The following DLEC1 variants were observed in gnomAD, a reference collection of about 807,000 sequenced individuals.
DLEC1 encodes deleted in lung and esophageal cancer protein 1.
Under a neutral mutation model 198.1 loss-of-function variants are expected in DLEC1, and 146 were observed. That is an observed-to-expected ratio of 0.74 (90% CI 0.64 to 0.85). DLEC1 has a LOEUF of 0.85. Ranked by LOEUF, DLEC1 falls within the 40% of genes least tolerant of loss-of-function variation. DLEC1 has a pLI of 0.00. For missense variants in DLEC1, 2,233 were observed against 2,220.0 expected (o/e 1.01, Z -0.12); for synonymous variants, 897 against 866.8 (o/e 1.03, Z -0.61).
intron 10 of DLEC1, among the ~76,000 whole-genome samples, chr3:38,089,676 G>T (rs1226838696): frequency 3.3e-5 from 5 of 152,122 alleles, no homozygotes; most frequent in South Asian, 2.1e-4. Context: ...GAGCTGCTCT[G>T]CCCTGGACAT....
At chr3:38,109,289 T>C (rs1267347965) in intron 21 of DLEC1, 143 bp from the exon 22 acceptor site, 4 of 1,229,048 alleles carry the variant, frequency 3.3e-6, no homozygotes, top group Non-Finnish European at 3.4e-6. Flanking sequence ...GCGGGTCGAC[T>C]GGCTGGGCTC....
At chr3:38,049,392 CAT>C (rs1159875134) in intron 2 of DLEC1, among the ~76,000 whole-genome samples, 1 of 152,176 alleles carries the variant, frequency 6.6e-6, no homozygotes, top group Non-Finnish European at 1.5e-5. Context: ...TTATTTGAGG[CAT>C]AGAGGCAACC....
intron 6 of DLEC1, among the ~76,000 whole-genome samples, chr3:38,080,430 G>A (rs1453930550): frequency 6.6e-6 from 1 of 152,060 alleles, no homozygotes; most frequent in Non-Finnish European, 1.5e-5. Context: ...AGGAAGATTT[G>A]GGACGAGTTG....
At chr3:38,070,824 G>GCA (rs1697277028) in intron 6 of DLEC1, among the ~76,000 whole-genome samples, 1 of 152,186 alleles carries the variant, frequency 6.6e-6, no homozygotes, top group Non-Finnish European at 1.5e-5. Context: ...TTAAGGCGGG[G>GCA]CAGGGCATTT....
intron 1 of DLEC1, among the ~76,000 whole-genome samples, 194 bp from the exon 2 acceptor site, chr3:38,045,349 A>G (rs1037682566): frequency 6.6e-6 from 1 of 152,110 alleles, no homozygotes; most frequent in Non-Finnish European, 1.5e-5. Context: ...TGGCCTTACT[A>G]TGGAAACCTT....
At position 38,084,214 on chromosome 3, in the gene DLEC1, G is replaced by T; in HGVS notation, c.1230G>T (p.Pro410=). The part of the protein sequence containing the change: ...TTTSRYLRVL[P]PSTPYFALGL... ...CCAGCCGCTACCTGCGAGTCCTCCCGCCTTCCACGCCATACTTCGCTCTGG... is the reference window on the plus strand; with the variant it reads ...CCAGCCGCTACCTGCGAGTCCTCCCTCCTTCCACGCCATACTTCGCTCTGG... The change falls in exon 7 of 37, where the codon CCG becomes CCT. Residue 410 remains proline (P), a synonymous_variant. Transcript: ENST00000308059. The T allele has an allele frequency of 6.2e-7, 1 of 1,612,626 alleles. No homozygotes were observed. Among genetic ancestry groups the T allele is most frequent in the Non-Finnish European group, 8.5e-7 (1 of 1,179,216 alleles).
Position 38,062,756 on chromosome 3 carries a change from A to C in DLEC1, c.1049A>C (p.Lys350Thr), listed in dbSNP as rs961403074. ...GGKSLVFPPK[K>T]PAPIGEFQST... ...AAGTCTCTTGTTTTTCCTCCAAAGAAGCCAGCACCGATAGGAGAATTCCAG... is the reference window on the plus strand; with the variant it reads ...AAGTCTCTTGTTTTTCCTCCAAAGACGCCAGCACCGATAGGAGAATTCCAG... The change falls in exon 5 of 37, where the codon AAG (lysine) becomes ACG (threonine). Residue 350 changes from lysine to threonine, a missense_variant. By Grantham distance (78) the Lys-to-Thr change is moderately conservative. Coordinates refer to ENST00000308059, the MANE Select transcript of DLEC1 (RefSeq NM_007335.4). The C allele has an allele frequency of 1.5e-5, 25 of 1,613,978 alleles. No homozygotes were observed. In the African/African-American group the frequency reaches 2.7e-4, roughly 17 times the overall value.
chr3:38,101,736 C>T (rs1267862450), intron 19 of DLEC1, among the ~76,000 whole-genome samples: 1 of 152,180 alleles, frequency 6.6e-6, no homozygotes, highest in East Asian at 1.9e-4. Flanking sequence ...GACCATCTGA[C>T]AGTTGTTCAA....
intron 6 of DLEC1, among the ~76,000 whole-genome samples, chr3:38,064,579 G>A (rs975565882): frequency 2.0e-5 from 3 of 150,258 alleles, no homozygotes; most frequent in Admixed American, 6.6e-5. Context: ...CTTCCCGGAC[G>A]GGGCGGCCGG....
At chr3:38,111,532 T>C (rs1382514477) in intron 23 of DLEC1, 145 bp from the exon 24 acceptor site, 3 of 695,574 alleles carry the variant, frequency 4.3e-6, no homozygotes, top group African/African-American at 3.7e-5. Flanking sequence ...AGGAAAGAAC[T>C]GACCAGCTCT....
At chr3:38,067,483 T>C (rs1697087020) in intron 6 of DLEC1, among the ~76,000 whole-genome samples, 1 of 152,246 alleles carries the variant, frequency 6.6e-6, no homozygotes, top group South Asian at 2.1e-4. Flanking sequence ...TTTATCATGC[T>C]TACAAATTCT....
chr3:38,121,519 C>T, intron 34 of DLEC1, 109 bp from the exon 35 acceptor site: 1 of 1,415,738 alleles, frequency 7.1e-7, no homozygotes, highest in Non-Finnish European at 9.4e-7. Flanking sequence ...TGGGAGCTTC[C>T]CGTTTTCTTC....
intron 14 of DLEC1, 111 bp from the exon 15 acceptor site, chr3:38,096,458 G>A: frequency 7.6e-7 from 1 of 1,310,938 alleles, no homozygotes; most frequent in South Asian, 1.4e-5. Flanking sequence ...GGAGCTGTGG[G>A]TTAGGCAGTG....
chr3:38,085,213 G>A (rs1014570439), intron 7 of DLEC1, 61 bp from the exon 8 acceptor site: 1 of 1,588,900 alleles, frequency 6.3e-7, no homozygotes, highest in Non-Finnish European at 8.6e-7. Flanking sequence ...TACCAGCTGA[G>A]CTCAAGCCCT....
In DLEC1 at chr3:38,114,408, C is replaced by T. The variant is rs746141288; in HGVS notation, c.3733C>T (p.Leu1245=). ...AGCGGTGGGCTGCCCCATCAGCTCC[C>T]TGAGGACCACCTCCTACACTATTGA... ...MAAVGCPISS[L]RTTSYTIDQA... The change falls in exon 26 of 37, where the codon CTG becomes TTG. Residue 1245 remains leucine, a synonymous_variant. Coordinates refer to ENST00000308059, the MANE Select transcript of DLEC1 (RefSeq NM_007335.4). The T allele has an allele frequency of 6.2e-7, 1 of 1,614,134 alleles. No individual in the cohort carries two copies. Among genetic ancestry groups the T allele is most frequent in the Non-Finnish European group, 8.5e-7 (1 of 1,180,008 alleles).
intron 10 of DLEC1, among the ~76,000 whole-genome samples, chr3:38,088,973 T>C (rs1698606903): frequency 6.6e-6 from 1 of 152,120 alleles, no homozygotes; most frequent in African/African-American, 2.4e-5. Context: ...TGAGAAATGG[T>C]GATACTTCCT....
chr3:38,083,278 C>G (rs1433941889), intron 6 of DLEC1, among the ~76,000 whole-genome samples: 1 of 150,102 alleles, frequency 6.7e-6, no homozygotes, highest in Non-Finnish European at 1.5e-5. Context: ...AAAAGAGAGT[C>G]AGCGAAGGGA....
intron 3 of DLEC1, among the ~76,000 whole-genome samples, chr3:38,060,487 C>G (rs1485355430): frequency 1.3e-5 from 2 of 151,960 alleles, no homozygotes; most frequent in African/African-American, 2.4e-5. Context: ...ATGCTGGGCT[C>G]AGAAGACAAG....
chr3:38,112,357 G>T lies in DLEC1; in HGVS notation c.3662G>T (p.Cys1221Phe). The change falls in exon 25 of 37, where the codon TGC (cysteine) becomes TTC (phenylalanine). Residue 1221 changes from cysteine (C) to phenylalanine (F), a missense_variant. Coordinates refer to ENST00000308059, the MANE Select transcript of DLEC1 (RefSeq NM_007335.4). The surrounding 1 kb of genome is among the most constrained non-coding windows in gnomAD (Gnocchi z 4.8). Reference sequence around the variant, plus strand: ...GGCGAGTACTGGGACAACCTCATCTGCACGGTAAGGGTACACAAGAGGGCA... The same window carrying T: ...GGCGAGTACTGGGACAACCTCATCTTCACGGTAAGGGTACACAAGAGGGCA... Reference protein sequence around the residue: ...MWGEYWDNLICTVGDLLPEVI... With the variant: ...MWGEYWDNLIFTVGDLLPEVI... 1 of 1,614,052 alleles carries T rather than the reference G, an allele frequency of 6.2e-7. No homozygotes were observed. The highest frequency in any genetic ancestry group is 2.2e-5 in the East Asian group (1 of 44,882).
Sources: allele counts gnomAD v4.1 joint callset (sites outside exome capture counted in the v4.1 genomes callset), GRCh38; gene constraint gnomAD v4.1.1; non-coding constraint Gnocchi (gnomAD v3.1); transcripts MANE v1.5; gene names NCBI Gene and HGNC (gene_info 2026-07-23, HGNC 2026-07-21).